EFL1: variants seen among roughly 807,000 people sequenced by gnomAD.
The protein encoded by EFL1 is elongation factor-like GTPase 1.
EFL1 carries 76 observed loss-of-function variants against 126.7 expected under a neutral mutation model. That is an observed-to-expected ratio of 0.60 (90% CI 0.50 to 0.73). EFL1 has a LOEUF of 0.73. EFL1 is among the 30% of genes least tolerant of loss of function. EFL1 has a pLI of 0.00. For missense variants in EFL1, 1,128 were observed against 1,343.2 expected (o/e 0.84, Z 2.50); for synonymous variants, 410 against 448.4 (o/e 0.91, Z 1.08).
intron 15 of EFL1, among the ~76,000 whole-genome samples, chr15:82,167,274 T>C (rs940694321): frequency 6.6e-6 from 1 of 152,154 alleles, no homozygotes; most frequent in African/African-American, 2.4e-5. Context: ...CCCTTTATGA[T>C]CCTGATTTTT....
intron 15 of EFL1, among the ~76,000 whole-genome samples, chr15:82,181,922 C>G (rs563460680): frequency 6.6e-6 from 1 of 152,174 alleles, no homozygotes; most frequent in Non-Finnish European, 1.5e-5. Flanking sequence ...CAGTTCCCTC[C>G]GTGCTCCATG....
chr15:82,240,726 CATT>C (rs1364146307), intron 5 of EFL1, among the ~76,000 whole-genome samples, 171 bp from the exon 6 acceptor site: 1 of 152,152 alleles, frequency 6.6e-6, no homozygotes, highest in South Asian at 2.1e-4. Flanking sequence ...CATAAGAAAT[CATT>C]GTTGCCTTTA....
chr15:82,138,111 G>A (rs1230668096), intron 19 of EFL1, among the ~76,000 whole-genome samples: 1 of 152,066 alleles, frequency 6.6e-6, no homozygotes, highest in Non-Finnish European at 1.5e-5. Context: ...GTTCTGAGTA[G>A]CCATTTCGTT....
At chr15:82,206,113 T>C (rs1178776073) in intron 15 of EFL1, among the ~76,000 whole-genome samples, 1 of 152,154 alleles carries the variant, frequency 6.6e-6, no homozygotes, top group Non-Finnish European at 1.5e-5. Flanking sequence ...AGAGTACACA[T>C]AAAAATATGA....
intron 16 of EFL1, among the ~76,000 whole-genome samples, chr15:82,159,291 T>C (rs1206379159): frequency 6.6e-6 from 1 of 151,990 alleles, no homozygotes; most frequent in Non-Finnish European, 1.5e-5. Flanking sequence ...CATAAGCACA[T>C]GGGAATAATA....
intron 1 of EFL1, chr15:82,262,005 T>A (rs2075127245): frequency 2.3e-6 from 1 of 442,180 alleles, no homozygotes; most frequent in African/African-American, 2.0e-5. Flanking sequence ...ACTTAAGGAG[T>A]TTGCTCATCC....
intron 3 of EFL1, among the ~76,000 whole-genome samples, chr15:82,255,176 T>C (rs1369732786): frequency 6.6e-6 from 1 of 152,258 alleles, no homozygotes; most frequent in Non-Finnish European, 1.5e-5. Flanking sequence ...CTGATATTGC[T>C]GGACTTTATT....
At chr15:82,132,818 T>C (rs969161303) in intron 19 of EFL1, among the ~76,000 whole-genome samples, 1 of 151,896 alleles carries the variant, frequency 6.6e-6, no homozygotes, top group Non-Finnish European at 1.5e-5. Flanking sequence ...TTCTTCTGGG[T>C]CAGAGGGTTT....
At chr15:82,200,600 A>T (rs886699581) in intron 15 of EFL1, among the ~76,000 whole-genome samples, 5 of 152,204 alleles carry the variant, frequency 3.3e-5, no homozygotes, top group African/African-American at 1.2e-4. Flanking sequence ...AGTCCAGGAC[A>T]TACCTGGGAG....
intron 16 of EFL1, among the ~76,000 whole-genome samples, chr15:82,159,617 T>G (rs1020301806): frequency 4.6e-5 from 7 of 152,104 alleles, no homozygotes; most frequent in Admixed American, 2.6e-4. Flanking sequence ...CTCTTACAAT[T>G]TGGAAGGTGA....
intron 15 of EFL1, among the ~76,000 whole-genome samples, chr15:82,198,317 G>T (rs1400561996): frequency 6.6e-6 from 1 of 152,138 alleles, no homozygotes; most frequent in Non-Finnish European, 1.5e-5. Context: ...CCAAAATCAA[G>T]GCCAGTGTAA....
chr15:82,241,458 T>C, intron 4 of EFL1, 55 bp from the exon 5 acceptor site: 11 of 1,562,554 alleles, frequency 7.0e-6, no homozygotes, highest in South Asian at 1.2e-5. Flanking sequence ...ACAATGTTCT[T>C]CCTCAGGCGT....
At chr15:82,258,557 A>T (rs1428834997) in intron 3 of EFL1, among the ~76,000 whole-genome samples, 1 of 152,214 alleles carries the variant, frequency 6.6e-6, no homozygotes, top group Non-Finnish European at 1.5e-5. Context: ...CCTGTCTCAA[A>T]AACAAAAACC....
intron 14 of EFL1, among the ~76,000 whole-genome samples, chr15:82,218,965 C>T (rs1260779901): frequency 1.3e-5 from 2 of 152,132 alleles, no homozygotes; most frequent in Admixed American, 6.6e-5. Flanking sequence ...GGTTTTTGTG[C>T]TCATGATGCT....
chr15:82,204,996 G>C lies in EFL1; in HGVS notation c.1750+9721C>G, dbSNP rs193076468. 7.9e-5 allele frequency among the ~76,000 whole-genome samples: 12 copies of C among 152,314 alleles called. No homozygotes were observed. The South Asian group carries it at 2.5e-3, about 32-fold the overall frequency. ...ATTAGTAGGGCCAAAACCACAGATG[G>C]AAATGAAGAAAACTGCAACAAGCCT... On this transcript the variant is annotated intron_variant, in intron 15 of 19. Coordinates refer to ENST00000268206, the MANE Select transcript of EFL1 (RefSeq NM_024580.6).
intron 4 of EFL1, among the ~76,000 whole-genome samples, chr15:82,251,417 TA>T (rs2075020232): frequency 6.6e-6 from 1 of 152,108 alleles, no homozygotes; most frequent in Admixed American, 6.5e-5. Flanking sequence ...ATAAAGTGGT[TA>T]AAGGACTCAA....
At chr15:82,260,993 A>G (rs2075109256) in intron 2 of EFL1, among the ~76,000 whole-genome samples, 1 of 152,230 alleles carries the variant, frequency 6.6e-6, no homozygotes, top group Non-Finnish European at 1.5e-5. Flanking sequence ...TCAGAAGAAC[A>G]TACCATGGGT....
At position 82,225,251 on chromosome 15, in the gene EFL1, A is replaced by C; in HGVS notation, c.1206T>G (p.Cys402Trp). ...TQALKAAFMKCGSEDTAPVII... is the reference protein window; with the variant it reads ...TQALKAAFMKWGSEDTAPVII... The stretch of plus-strand genomic sequence containing the variant: ...TAACTGGAGCAGTGTCCTCACTTCC[A>C]CATTTCATAAAAGCTAAACAAATAG... The change falls in exon 12 of 20, where the codon TGT becomes TGG. Residue 402 changes from cysteine to tryptophan, a missense_variant. By Grantham distance (215) the Cys-to-Trp change is radical (BLOSUM62 -2). Transcript: ENST00000268206. The C allele has an allele frequency of 6.2e-7, 1 of 1,604,762 alleles. No individual in the cohort carries two copies. Among genetic ancestry groups the C allele is most frequent in the Non-Finnish European group, 8.5e-7 (1 of 1,177,020 alleles).
chr15:82,165,582 C>T (rs1054943714), intron 15 of EFL1, among the ~76,000 whole-genome samples: 1 of 152,206 alleles, frequency 6.6e-6, no homozygotes, highest in Non-Finnish European at 1.5e-5. Context: ...AATTTATCAC[C>T]TCGCTACATT....
Sources: allele counts gnomAD v4.1 joint callset (sites outside exome capture counted in the v4.1 genomes callset), GRCh38; gene constraint gnomAD v4.1.1; transcripts MANE v1.5; gene names NCBI Gene and HGNC (gene_info 2026-07-23, HGNC 2026-07-21).